RYR3: variants seen among roughly 807,000 people sequenced by gnomAD.
The protein encoded by RYR3 is ryanodine receptor 3.
In RYR3, 207 loss-of-function variants were observed where a neutral mutation model predicts 584.3. The observed-to-expected ratio is 0.35, with a 90% CI of 0.32 to 0.40. The LOEUF is 0.40. Among genes scored for constraint, RYR3 ranks in the 10% least tolerant of loss-of-function variants. The probability of loss-of-function intolerance (pLI) is 1.00; values close to 1 mark genes in which losing one functional copy is unlikely to be tolerated. For missense variants in RYR3, 5,616 were observed against 6,089.2 expected (o/e 0.92, Z 2.59); for synonymous variants, 2,416 against 2,248.5 (o/e 1.07, Z -2.11).
At chr15:33,561,721 AAAC>A (rs138646386) in intron 10 of RYR3, among the ~76,000 whole-genome samples, 102,378 of 150,596 alleles carry the variant, frequency 0.68, 35,830 homozygotes, top group Middle Eastern at 0.79. Context: ...GCAAAACACA[AAAC>A]AACAACAACA....
chr15:33,487,866 T>C (rs1403553319), intron 2 of RYR3, among the ~76,000 whole-genome samples: 1 of 152,218 alleles, frequency 6.6e-6, no homozygotes, highest in Non-Finnish European at 1.5e-5. Context: ...GCTGAACTGT[T>C]TTCTTTCAGG....
chr15:33,633,313 A>G (rs2061353931), intron 24 of RYR3, among the ~76,000 whole-genome samples: 3 of 152,220 alleles, frequency 2.0e-5, no homozygotes, highest in African/African-American at 7.2e-5. Context: ...TATTTCTGGG[A>G]TAGTCCCACG....
At chr15:33,680,423 T>C (rs1380671562) in intron 38 of RYR3, among the ~76,000 whole-genome samples, 1 of 152,202 alleles carries the variant, frequency 6.6e-6, no homozygotes, top group Non-Finnish European at 1.5e-5. Flanking sequence ...CTCTGCTCAC[T>C]CTCCAGGCAG....
chr15:33,478,110 G>T (rs1174817151), intron 2 of RYR3, among the ~76,000 whole-genome samples: 2 of 104,970 alleles, frequency 1.9e-5, no homozygotes, highest in Non-Finnish European at 3.3e-5. Flanking sequence ...GAGGGGGTTG[G>T]GGGGGGTGGT....
intron 57 of RYR3, among the ~76,000 whole-genome samples, chr15:33,751,781 T>A (rs1470931050): frequency 6.6e-6 from 1 of 152,188 alleles, no homozygotes; most frequent in Non-Finnish European, 1.5e-5. Context: ...TTGATTTTGG[T>A]GTTTTAGTCA....
chr15:33,427,584 CTT>C (rs974853917), intron 1 of RYR3, among the ~76,000 whole-genome samples: 1 of 152,162 alleles, frequency 6.6e-6, no homozygotes, highest in Non-Finnish European at 1.5e-5. Context: ...GGATGACAAT[CTT>C]TTTTCAAACT....
At chr15:33,667,087 A>G (rs1431313383) in intron 36 of RYR3, among the ~76,000 whole-genome samples, 1 of 152,252 alleles carries the variant, frequency 6.6e-6, no homozygotes, top group African/African-American at 2.4e-5. Context: ...TTTTTCTTAC[A>G]AACAATACCT....
At chr15:33,834,635 G>A (rs527442168) in intron 86 of RYR3, among the ~76,000 whole-genome samples, 16 of 152,282 alleles carry the variant, frequency 1.1e-4, no homozygotes, top group Admixed American at 5.9e-4. Context: ...AGGGTGGGGA[G>A]TGTGCCCTTC....
At chr15:33,484,030 G>A (rs966999334) in intron 2 of RYR3, among the ~76,000 whole-genome samples, 1 of 152,136 alleles carries the variant, frequency 6.6e-6, no homozygotes, top group African/African-American at 2.4e-5. Flanking sequence ...CCTTCAAATA[G>A]TTATTTATTT....
chr15:33,692,017 G>A (rs150864990), intron 38 of RYR3, among the ~76,000 whole-genome samples: 340 of 152,306 alleles, frequency 2.2e-3, no homozygotes, highest in Non-Finnish European at 3.7e-3. Context: ...CCAGGGCTCT[G>A]CAGATCACAT....
chr15:33,322,510 A>G (rs1036041167), intron 1 of RYR3, among the ~76,000 whole-genome samples: 1 of 152,226 alleles, frequency 6.6e-6, no homozygotes, highest in African/African-American at 2.4e-5. Flanking sequence ...TGGGGATTAC[A>G]ATTCAACAAG....
At chr15:33,739,498 A>T (rs982530903) in intron 50 of RYR3, among the ~76,000 whole-genome samples, 5 of 146,620 alleles carry the variant, frequency 3.4e-5, no homozygotes, top group Admixed American at 6.8e-5. Context: ...CATCCTTAGC[A>T]GACAAGTTTA....
intron 38 of RYR3, among the ~76,000 whole-genome samples, chr15:33,681,430 T>C (rs983513254): frequency 3.3e-5 from 5 of 152,222 alleles, no homozygotes; most frequent in African/African-American, 9.6e-5. Context: ...TTTCATGCCT[T>C]TCCCAGCTTC....
At chr15:33,744,401 G>A (rs141405691) in intron 52 of RYR3, among the ~76,000 whole-genome samples, 1 of 152,272 alleles carries the variant, frequency 6.6e-6, no homozygotes, top group African/African-American at 2.4e-5. Context: ...TGAGGGCATA[G>A]ATACATGCTG....
intron 76 of RYR3, among the ~76,000 whole-genome samples, chr15:33,818,918 G>T (rs1472244096): frequency 6.6e-6 from 1 of 152,222 alleles, no homozygotes; most frequent in Non-Finnish European, 1.5e-5. Context: ...GAGGGCAGGA[G>T]TTCGAGGCCA....
At chr15:33,382,101 T>A (rs1306463780) in intron 1 of RYR3, among the ~76,000 whole-genome samples, 1 of 152,094 alleles carries the variant, frequency 6.6e-6, no homozygotes, top group African/African-American at 2.4e-5. Context: ...TGCAAGCAGA[T>A]GTAACCTAGA....
intron 1 of RYR3, among the ~76,000 whole-genome samples, chr15:33,396,639 T>C (rs1287287687): frequency 6.6e-6 from 1 of 152,190 alleles, no homozygotes; most frequent in Non-Finnish European, 1.5e-5. Flanking sequence ...ACAAATCTAA[T>C]GCATGAGTGA....
chr15:33,490,839 G>C (rs1200107224), intron 2 of RYR3, among the ~76,000 whole-genome samples: 2 of 151,426 alleles, frequency 1.3e-5, no homozygotes, highest in African/African-American at 4.9e-5. Flanking sequence ...CTTGAAAAAT[G>C]AGCCCTGTGG....
chr15:33,430,219 A>C (rs59051362), intron 1 of RYR3, among the ~76,000 whole-genome samples: 6,412 of 152,362 alleles, frequency 0.042, 410 homozygotes, highest in African/African-American at 0.14. Context: ...CATTTATTGC[A>C]CAATGCCAAG....
Sources: gnomAD v4.1 joint callset for allele counts (sites outside exome capture counted in the v4.1 genomes callset) on GRCh38, gnomAD v4.1.1 for gene constraint, MANE v1.5 for transcripts, NCBI Gene and HGNC (gene_info 2026-07-23, HGNC 2026-07-21) for gene names.